CNTNAP2: variants seen among roughly 807,000 people sequenced by gnomAD.
CNTNAP2 encodes contactin-associated protein-like 2.
Under a neutral mutation model 155.2 loss-of-function variants are expected in CNTNAP2, and 98 were observed. That is an observed-to-expected ratio of 0.63 (90% confidence interval 0.54 to 0.75). The LOEUF (loss-of-function observed/expected upper bound fraction) is 0.75. CNTNAP2 is among the 30% of genes least tolerant of loss of function. The pLI is 0.00. For synonymous variants in CNTNAP2, 651 were observed against 631.2 expected, an observed-to-expected ratio of 1.03 and a Z score of -0.47; for missense variants, 1,727 against 1,688.1, an observed-to-expected ratio of 1.02 and a Z score of -0.40.
intron 2 of CNTNAP2, among the ~76,000 whole-genome samples, chr7:146,821,857 C>T (rs550424305): frequency 6.6e-6 from 1 of 151,438 alleles, no homozygotes; most frequent in African/African-American, 2.4e-5. Flanking sequence ...AATAGGAACA[C>T]TTTTACACTG....
chr7:146,708,146 C>T (rs1177668578), intron 1 of CNTNAP2, among the ~76,000 whole-genome samples: 1 of 152,176 alleles, frequency 6.6e-6, no homozygotes, highest in Non-Finnish European at 1.5e-5. Context: ...AGCCTGTCTT[C>T]TTACCTAAGA....
rs574017607 is a variant in CNTNAP2 at position 147,991,160 on chromosome 7, G to A, written c.2383+13171G>A. Reference sequence around the variant, plus strand: ...AGACCAAATTAATGACCTGTTATGAGTCAATCTCTTTTCTCTATTTATTTG... The same window carrying A: ...AGACCAAATTAATGACCTGTTATGAATCAATCTCTTTTCTCTATTTATTTG... On this transcript the variant is annotated intron_variant, in intron 15 of 23. Transcript: ENST00000361727. Among the ~76,000 whole-genome samples, 9 of 152,264 alleles carry A rather than the reference G, an allele frequency of 5.9e-5. No individual in the cohort carries two copies. The East Asian group carries it at 9.7e-4, about 16-fold the overall frequency.
chr7:146,538,977 C>G (rs1463668117), intron 1 of CNTNAP2, among the ~76,000 whole-genome samples: 1 of 152,016 alleles, frequency 6.6e-6, no homozygotes, highest in Non-Finnish European at 1.5e-5. Context: ...GAACAATTAA[C>G]AGGGGGTAAT....
chr7:146,470,068 T>A (rs1584940058), intron 1 of CNTNAP2, among the ~76,000 whole-genome samples: 1 of 150,412 alleles, frequency 6.6e-6, no homozygotes, highest in Non-Finnish European at 1.5e-5. Flanking sequence ...CTCGATCTCC[T>A]GACCTCGTGA....
intron 1 of CNTNAP2, among the ~76,000 whole-genome samples, chr7:146,173,089 A>G (rs1235268763): frequency 2.0e-5 from 3 of 152,176 alleles, no homozygotes; most frequent in Non-Finnish European, 2.9e-5. Context: ...TAAATGTTCA[A>G]ATCTCCTCAC....
At chr7:148,137,098 G>A (rs1804969564) in intron 16 of CNTNAP2, among the ~76,000 whole-genome samples, 1 of 151,992 alleles carries the variant, frequency 6.6e-6, no homozygotes, top group Non-Finnish European at 1.5e-5. Flanking sequence ...TGAACTCAAG[G>A]GTCTACTAAC....
intron 1 of CNTNAP2, among the ~76,000 whole-genome samples, chr7:146,717,348 TAAAA>T (rs35996896): frequency 1.4e-4 from 17 of 119,346 alleles, no homozygotes; most frequent in Non-Finnish European, 2.1e-4. Flanking sequence ...ACTAAAAAAT[TAAAA>T]AAAAAAAAAA....
chr7:147,326,257 A>T (rs773714278), intron 9 of CNTNAP2, among the ~76,000 whole-genome samples: 91 of 152,118 alleles, frequency 6.0e-4, no homozygotes, highest in Non-Finnish European at 9.8e-4. Context: ...TATGAATTTG[A>T]ATATTCTAGG....
chr7:146,232,785 A>C (rs571360011), intron 1 of CNTNAP2, among the ~76,000 whole-genome samples: 1 of 152,124 alleles, frequency 6.6e-6, no homozygotes, highest in African/African-American at 2.4e-5. Flanking sequence ...AAACAATGTC[A>C]AAGACATTGA....
chr7:146,298,345 T>C (rs1273648272), intron 1 of CNTNAP2, among the ~76,000 whole-genome samples: 1 of 152,104 alleles, frequency 6.6e-6, no homozygotes, highest in Non-Finnish European at 1.5e-5. Context: ...CATTCAAGCA[T>C]AAAAAAAGAA....
intron 1 of CNTNAP2, among the ~76,000 whole-genome samples, chr7:146,741,000 A>G (rs149204992): frequency 1.3e-5 from 2 of 152,194 alleles, no homozygotes; most frequent in East Asian, 1.9e-4. Flanking sequence ...ATATGGAGCT[A>G]TGAGGGGTCT....
intron 8 of CNTNAP2, among the ~76,000 whole-genome samples, chr7:147,221,965 G>A (rs546072709): frequency 2.0e-5 from 3 of 152,110 alleles, no homozygotes; most frequent in Admixed American, 6.5e-5. Context: ...TTTTGTTGTT[G>A]CTGTTCCTCT....
intron 3 of CNTNAP2, among the ~76,000 whole-genome samples, chr7:146,996,536 C>T (rs1036404737): frequency 6.6e-6 from 1 of 151,956 alleles, no homozygotes; most frequent in African/African-American, 2.4e-5. Flanking sequence ...AGAAACACTA[C>T]TGATTTTGAT....
At chr7:147,755,689 A>G (rs1413840268) in intron 13 of CNTNAP2, among the ~76,000 whole-genome samples, 1 of 152,130 alleles carries the variant, frequency 6.6e-6, no homozygotes, top group Non-Finnish European at 1.5e-5. Flanking sequence ...GATAGCAAAC[A>G]GTAGTATTAC....
chr7:147,878,719 G>A (rs1194663292), intron 13 of CNTNAP2, among the ~76,000 whole-genome samples: 1 of 152,094 alleles, frequency 6.6e-6, no homozygotes, highest in Non-Finnish European at 1.5e-5. Context: ...ATTCTGGAAA[G>A]AATAAGGCAA....
At chr7:147,611,492 G>T (rs79605631) in intron 12 of CNTNAP2, among the ~76,000 whole-genome samples, 1 of 152,056 alleles carries the variant, frequency 6.6e-6, no homozygotes, top group African/African-American at 2.4e-5. Context: ...AAACATTAAC[G>T]GATATCCTTC....
intron 2 of CNTNAP2, among the ~76,000 whole-genome samples, chr7:146,776,518 T>C (rs1802392892): frequency 6.6e-6 from 1 of 152,132 alleles, no homozygotes. Context: ...CTAAACGATG[T>C]AGGAGCTATA....
rs529154703 is a variant in CNTNAP2, at chr7:146,244,399, G to A, written c.97+127426G>A. Among the ~76,000 whole-genome samples the A allele has an allele frequency of 5.6e-4, 85 of 152,142 alleles. 4 individuals are homozygous for A. The South Asian group carries it at 0.017, about 30-fold the overall frequency. On this transcript the variant is annotated intron_variant, in intron 1 of 23. Coordinates refer to ENST00000361727, the MANE Select transcript of CNTNAP2 (RefSeq NM_014141.6). ...TAGTAGGAATGACAAGTTTTTTGGG[G>A]GCACAGTCTAAGTTGATCTGGTGTC...
intron 9 of CNTNAP2, among the ~76,000 whole-genome samples, chr7:147,375,188 A>G (rs766705639): frequency 1.3e-5 from 2 of 152,058 alleles, no homozygotes; most frequent in Non-Finnish European, 1.5e-5. Flanking sequence ...TTCCTTTACA[A>G]ATTACCCAGT....
Sources: gnomAD v4.1 joint callset for allele counts (sites outside exome capture counted in the v4.1 genomes callset) on GRCh38, gnomAD v4.1.1 for gene constraint, MANE v1.5 for transcripts, NCBI Gene and HGNC (gene_info 2026-07-23, HGNC 2026-07-21) for gene names.